The following ZC3H12B variants were observed in gnomAD, a reference collection of about 807,000 sequenced individuals.
ZC3H12B encodes zinc finger CCCH-type containing 12B.
Under a neutral mutation model 43.9 loss-of-function variants are expected in ZC3H12B, and 7 were observed. The observed-to-expected ratio is 0.16, with a 90% CI of 0.09 to 0.30. The LOEUF (loss-of-function observed/expected upper bound fraction) is 0.30. ZC3H12B is among the 10% of genes least tolerant of loss of function. The probability of loss-of-function intolerance (pLI) is 1.00; values close to 1 mark genes in which losing one functional copy is unlikely to be tolerated. For synonymous variants in ZC3H12B, 222 were observed against 241.7 expected (o/e 0.92, Z 0.76); for missense variants, 475 against 670.2 (o/e 0.71, Z 3.22).
chrX:65,039,273 T>C, the ZC3H12B span, among the ~76,000 whole-genome samples: 2 of 111,926 alleles, frequency 1.8e-5, no homozygotes, highest in Non-Finnish European at 3.8e-5. Flanking sequence ...TATTTTCCTA[T>C]TGACAAGTGC....
chrX:65,207,501 G>C, the ZC3H12B span, among the ~76,000 whole-genome samples: 1 of 110,540 alleles, frequency 9.0e-6, no homozygotes, highest in Non-Finnish European at 1.9e-5. Context: ...TGGGAAGGGA[G>C]TGAGGGATAA....
At chrX:65,158,440 T>G in the ZC3H12B span, among the ~76,000 whole-genome samples, 1 of 111,860 alleles carries the variant, frequency 8.9e-6, no homozygotes, top group South Asian at 3.7e-4. Context: ...ACCTGTTGTT[T>G]CCTGACTTTT....
At chrX:65,371,332 A>C (rs2147982000) in intron 2 of ZC3H12B, among the ~76,000 whole-genome samples, 1 of 111,656 alleles carries the variant, frequency 9.0e-6, no homozygotes, top group Non-Finnish European at 1.9e-5. Flanking sequence ...TACATACTAA[A>C]TTAAGTAATT....
chrX:65,331,580 A>T, the ZC3H12B span, among the ~76,000 whole-genome samples: 6 of 109,694 alleles, frequency 5.5e-5, no homozygotes, highest in East Asian at 8.5e-4. Flanking sequence ...TTATTTATTT[A>T]TTTATTTATT....
the ZC3H12B span, among the ~76,000 whole-genome samples, chrX:65,139,799 A>G: frequency 9.0e-6 from 1 of 111,126 alleles, no homozygotes; most frequent in Non-Finnish European, 1.9e-5. Context: ...GAGGTATTTG[A>G]CCTTCTTGGT....
the ZC3H12B span, among the ~76,000 whole-genome samples, chrX:65,311,674 A>G: frequency 3.6e-5 from 4 of 111,827 alleles, no homozygotes; most frequent in Admixed American, 1.9e-4. Flanking sequence ...AAATCATGCT[A>G]CTATAAAGAC....
At chrX:65,122,890 C>A in the ZC3H12B span, among the ~76,000 whole-genome samples, 2 of 111,336 alleles carry the variant, frequency 1.8e-5, no homozygotes, top group East Asian at 2.8e-4. Context: ...TAAAGTGAGT[C>A]CTTAGAGACC....
chrX:65,466,268 A>T (rs2067816310), intron 3 of ZC3H12B, among the ~76,000 whole-genome samples: 1 of 110,669 alleles, frequency 9.0e-6, no homozygotes, highest in Non-Finnish European at 1.9e-5. Context: ...ATTTTTCTAC[A>T]TCTTGCTTAT....
At chrX:65,457,500 T>G (rs775215017) in intron 3 of ZC3H12B, among the ~76,000 whole-genome samples, 10 of 82,216 alleles carry the variant, frequency 1.2e-4, no homozygotes, top group African/African-American at 5.4e-4. Flanking sequence ...GGGCGCTTCT[T>G]CCCGGCCGCC....
chrX:65,063,996 T>C, the ZC3H12B span, among the ~76,000 whole-genome samples: 2 of 112,139 alleles, frequency 1.8e-5, no homozygotes, highest in African/African-American at 6.5e-5. Context: ...GTAGGATCTT[T>C]GGTGATATCC....
the ZC3H12B span, among the ~76,000 whole-genome samples, chrX:65,175,817 A>C: frequency 8.9e-6 from 1 of 112,120 alleles, no homozygotes; most frequent in East Asian, 2.8e-4. Context: ...AGCCAAGGGA[A>C]GCTGTGAAAA....
At chrX:65,246,907 G>A in the ZC3H12B span, among the ~76,000 whole-genome samples, 4 of 112,263 alleles carry the variant, frequency 3.6e-5, no homozygotes, top group Non-Finnish European at 7.5e-5. Flanking sequence ...TTGACAAATG[G>A]GACCTAGTTA....
chrX:65,253,717 C>G, the ZC3H12B span, among the ~76,000 whole-genome samples: 1 of 111,841 alleles, frequency 8.9e-6, no homozygotes, highest in Non-Finnish European at 1.9e-5. Context: ...GGGTGCCTGC[C>G]AAGGGCCCGC....
chrX:65,239,914 C>A, the ZC3H12B span, among the ~76,000 whole-genome samples: 7 of 111,325 alleles, frequency 6.3e-5, no homozygotes, highest in East Asian at 2.0e-3. Flanking sequence ...CCCATCTCTT[C>A]TTGCTTGCAG....
At chrX:65,080,736 A>T in the ZC3H12B span, among the ~76,000 whole-genome samples, 4 of 111,814 alleles carry the variant, frequency 3.6e-5, no homozygotes, top group African/African-American at 1.3e-4. Flanking sequence ...AAAGGGAGTA[A>T]TTCAACTATA....
At chrX:65,119,335 C>T in the ZC3H12B span, among the ~76,000 whole-genome samples, 1 of 111,508 alleles carries the variant, frequency 9.0e-6, no homozygotes, top group Non-Finnish European at 1.9e-5. Flanking sequence ...TTTTAATGAT[C>T]ACCATTCTAA....
At chrX:65,243,411 T>C in the ZC3H12B span, among the ~76,000 whole-genome samples, 3 of 111,904 alleles carry the variant, frequency 2.7e-5, no homozygotes, top group Admixed American at 1.9e-4. Context: ...AAACCCACAA[T>C]GATATATTAT....
chrX:65,090,993 G>C, the ZC3H12B span, among the ~76,000 whole-genome samples: 1 of 111,271 alleles, frequency 9.0e-6, no homozygotes, highest in Non-Finnish European at 1.9e-5. Context: ...TTCACACCAT[G>C]ATTATAAGCT....
At chrX:65,281,231 C>CT in the ZC3H12B span, among the ~76,000 whole-genome samples, 529 of 90,262 alleles carry the variant, frequency 5.9e-3, 3 homozygotes, top group South Asian at 0.025. Flanking sequence ...TATAGCCAAA[C>CT]TTTTTTTTTT....
Sources: gnomAD v4.1 joint callset for allele counts (sites outside exome capture counted in the v4.1 genomes callset) on GRCh38, gnomAD v4.1.1 for gene constraint, MANE v1.5 for transcripts, NCBI Gene and HGNC (gene_info 2026-07-23, HGNC 2026-07-21) for gene names.